Variants in COL25A1 observed in about 807,000 individuals in gnomAD.
COL25A1 encodes collagen alpha-1(XXV) chain.
In COL25A1, 103 loss-of-function variants were observed where a neutral mutation model predicts 128.4. The observed-to-expected ratio is 0.80, with a 90% CI of 0.68 to 0.94. The LOEUF is 0.94. Among genes scored for constraint, COL25A1 ranks in the 40% least tolerant of loss-of-function variants. COL25A1 has a pLI of 0.00. For missense variants in COL25A1, 745 were observed against 840.0 expected, an observed-to-expected ratio of 0.89 and a Z score of 1.40; for synonymous variants, 279 against 277.2, an observed-to-expected ratio of 1.01 and a Z score of -0.06.
intron 6 of COL25A1, among the ~76,000 whole-genome samples, chr4:108,999,769 T>C (rs918698645): frequency 6.6e-6 from 1 of 152,158 alleles, no homozygotes; most frequent in African/African-American, 2.4e-5. Flanking sequence ...ATATATACCA[T>C]GGAATACTAT....
chr4:109,143,150 C>A (rs891760750), intron 3 of COL25A1, among the ~76,000 whole-genome samples: 5 of 152,108 alleles, frequency 3.3e-5, no homozygotes, highest in Non-Finnish European at 5.9e-5. Flanking sequence ...GGATTTATTT[C>A]TCTTTGCTTA....
At chr4:109,062,163 A>T (rs979247552) in intron 3 of COL25A1, among the ~76,000 whole-genome samples, 1 of 152,196 alleles carries the variant, frequency 6.6e-6, no homozygotes, top group African/African-American at 2.4e-5. Flanking sequence ...CGAGTGTCAG[A>T]GGCCTAACTA....
chr4:108,888,439 A>T (rs988456820), intron 18 of COL25A1, among the ~76,000 whole-genome samples: 2 of 152,176 alleles, frequency 1.3e-5, no homozygotes, highest in Non-Finnish European at 2.9e-5. Flanking sequence ...TAGAATCCAC[A>T]TTTACTTGCT....
At chr4:109,114,039 A>G (rs1243840484) in intron 3 of COL25A1, among the ~76,000 whole-genome samples, 1 of 152,126 alleles carries the variant, frequency 6.6e-6, no homozygotes, top group African/African-American at 2.4e-5. Flanking sequence ...AATGTCCATT[A>G]TCATCAAAAA....
chr4:109,255,469 A>C (rs1405517820), intron 3 of COL25A1, among the ~76,000 whole-genome samples: 1 of 152,110 alleles, frequency 6.6e-6, no homozygotes, highest in Admixed American at 6.5e-5. Context: ...GGTCTCCCCT[A>C]TGTGGAGTGT....
At chr4:109,007,164 C>T (rs760650226) in intron 6 of COL25A1, among the ~76,000 whole-genome samples, 3 of 151,964 alleles carry the variant, frequency 2.0e-5, no homozygotes, top group Non-Finnish European at 2.9e-5. Flanking sequence ...AAGAAAATTT[C>T]CCAAGAGCAG....
intron 3 of COL25A1, among the ~76,000 whole-genome samples, chr4:109,293,740 A>C (rs985878268): frequency 6.6e-6 from 1 of 152,152 alleles, no homozygotes; most frequent in African/African-American, 2.4e-5. Flanking sequence ...CAACAAGACT[A>C]AATAACACAA....
At chr4:108,904,207 T>C (rs932562620) in intron 13 of COL25A1, among the ~76,000 whole-genome samples, 2 of 152,146 alleles carry the variant, frequency 1.3e-5, no homozygotes, top group African/African-American at 4.8e-5. Flanking sequence ...TACTATACGT[T>C]CTACTCTGGA....
At position 109,108,933 on chromosome 4, in the gene COL25A1, C is replaced by G. The variant is rs532411592; in HGVS notation, c.368-58754G>C. 2.0e-5 allele frequency among the ~76,000 whole-genome samples: 3 copies of G among 152,218 alleles called. No homozygotes were observed. In the South Asian group the frequency reaches 6.2e-4, roughly 32 times the overall value. ...TGTGATATCTGCTTTATTGAAATAT[C>G]TGCTTTATTGTGGTGGTCTGTAACT... On this transcript the variant is annotated intron_variant, in intron 3 of 37. Transcript: ENST00000399132.
rs1177474102 is a variant in COL25A1, at chr4:108,986,602, G to GAAA, written c.439-12046_439-12044dup. ...CTCTAAATATATAATAAATGTCCTA[G>GAAA]AAAAACTGATTTCATGAAACAATAA... On this transcript the variant is annotated intron_variant, in intron 6 of 37. Coordinates refer to ENST00000399132, the MANE Select transcript of COL25A1 (RefSeq NM_198721.4). Among the ~76,000 whole-genome samples, 4 of 152,130 alleles carry GAAA rather than the reference G, an allele frequency of 2.6e-5. No individual in the cohort carries two copies. In the East Asian group the frequency reaches 5.8e-4, roughly 22 times the overall value.
intron 3 of COL25A1, among the ~76,000 whole-genome samples, chr4:109,130,931 A>G (rs1769137475): frequency 6.6e-6 from 1 of 152,212 alleles, no homozygotes; most frequent in African/African-American, 2.4e-5. Flanking sequence ...GGAATGATAG[A>G]AAGAAGAAAT....
At chr4:109,087,247 A>C (rs1764483167) in intron 3 of COL25A1, among the ~76,000 whole-genome samples, 1 of 152,170 alleles carries the variant, frequency 6.6e-6, no homozygotes, top group African/African-American at 2.4e-5. Context: ...AGCGTGAAAA[A>C]AAAAAAATCA....
chr4:109,265,974 C>A (rs1010092411), intron 3 of COL25A1, among the ~76,000 whole-genome samples: 12 of 152,098 alleles, frequency 7.9e-5, no homozygotes, highest in Middle Eastern at 3.2e-3. Context: ...TTCTCAGGTA[C>A]TTTTCTTCCT....
chr4:109,117,421 T>C (rs1370824605), intron 3 of COL25A1, among the ~76,000 whole-genome samples: 1 of 151,954 alleles, frequency 6.6e-6, no homozygotes, highest in Non-Finnish European at 1.5e-5. Context: ...AAATTATTCT[T>C]CATAAATAAA....
intron 5 of COL25A1, among the ~76,000 whole-genome samples, chr4:109,039,077 C>A (rs1370248553): frequency 3.3e-5 from 5 of 152,088 alleles, no homozygotes; most frequent in Admixed American, 6.6e-5. Flanking sequence ...ATTAATGCCA[C>A]CTAAATCCAC....
Position 108,841,865 on chromosome 4 carries a change from T to C in COL25A1, c.1630-144A>G, listed in dbSNP as rs559430148. 1,112 of 670,102 alleles carry C rather than the reference T, an allele frequency of 1.7e-3. 2 individuals are homozygous for C. The highest frequency in any genetic ancestry group is 2.5e-3 in the Non-Finnish European group (988 of 388,870). The allele number at this position is 670,102 out of a possible 1,614,324, so 41.5% of individuals were successfully genotyped here. ...GGTAGAGGCAGGCTAGTGGATGTTATTTATTACCCACCAAAAGTTCCTTCC... is the reference window on the plus strand; with the variant it reads ...GGTAGAGGCAGGCTAGTGGATGTTACTTATTACCCACCAAAAGTTCCTTCC... On this transcript the variant is annotated intron_variant, in intron 30 of 37. Transcript: ENST00000399132.
chr4:109,225,445 C>CA (rs1293080081), intron 3 of COL25A1, among the ~76,000 whole-genome samples: 1 of 152,054 alleles, frequency 6.6e-6, no homozygotes, highest in Non-Finnish European at 1.5e-5. Context: ...ACTAAAAAGA[C>CA]AAAAAATAAC....
chr4:108,910,571 G>A (rs996084882), intron 13 of COL25A1, among the ~76,000 whole-genome samples: 15 of 152,132 alleles, frequency 9.9e-5, no homozygotes, highest in Admixed American at 4.6e-4. Flanking sequence ...AACACTGAGC[G>A]GCAAAGCTAG....
chr4:109,021,962 C>T (rs901613709), intron 5 of COL25A1, among the ~76,000 whole-genome samples: 9 of 152,186 alleles, frequency 5.9e-5, no homozygotes, highest in Admixed American at 3.3e-4. Context: ...CAAGACAATA[C>T]GTGCACTGCT....
Sources: gnomAD v4.1 joint callset for allele counts (sites outside exome capture counted in the v4.1 genomes callset) on GRCh38, gnomAD v4.1.1 for gene constraint, MANE v1.5 for transcripts, NCBI Gene and HGNC (gene_info 2026-07-23, HGNC 2026-07-21) for gene names.